Variants in SOX13 observed in about 807,000 individuals in gnomAD.
SOX13 encodes the protein SRY-box transcription factor 13.
In SOX13, 28 loss-of-function variants were observed where a neutral mutation model predicts 71.8. The observed-to-expected ratio is 0.39, with a 90% CI of 0.29 to 0.53. The LOEUF is 0.53. Among genes scored for constraint, SOX13 ranks in the 20% least tolerant of loss-of-function variants. The probability of loss-of-function intolerance (pLI) is 0.70; values close to 1 mark genes in which losing one functional copy is unlikely to be tolerated. For missense variants in SOX13, 627 were observed against 810.3 expected, an observed-to-expected ratio of 0.77 and a Z score of 2.75; for synonymous variants, 309 against 317.8, an observed-to-expected ratio of 0.97 and a Z score of 0.29.
At chr1:204,116,073 T>C (rs1656686585) in intron 4 of SOX13, 3 of 931,274 alleles carry the variant, frequency 3.2e-6, no homozygotes, top group Non-Finnish European at 4.2e-6. Flanking sequence ...GTAACTTGCC[T>C]AACAGCTCAC....
chr1:204,109,074 G>A (rs1656527246), intron 1 of SOX13, among the ~76,000 whole-genome samples: 1 of 152,220 alleles, frequency 6.6e-6, no homozygotes, highest in African/African-American at 2.4e-5. Context: ...TGAGCCGCCT[G>A]CTTTCTGGAC....
intron 7 of SOX13, chr1:204,119,713 T>G (rs931859749): frequency 6.6e-6 from 1 of 152,200 alleles, no homozygotes; most frequent in Non-Finnish European, 1.5e-5. Flanking sequence ...CAGAGCCTCA[T>G]CTAATCTCAC....
intron 1 of SOX13, among the ~76,000 whole-genome samples, chr1:204,094,367 A>G (rs1656206430): frequency 6.6e-6 from 1 of 152,164 alleles, no homozygotes; most frequent in African/African-American, 2.4e-5. Context: ...TTTCCCCTCC[A>G]TACAGGTAGA....
intron 7 of SOX13, chr1:204,117,942 TC>T (rs1656727927): frequency 1.8e-6 from 1 of 547,190 alleles, no homozygotes; most frequent in Non-Finnish European, 3.3e-6. Flanking sequence ...GATGTAGCAA[TC>T]CAGGTCTAGT....
chr1:204,090,570 G>A (rs753781238), intron 1 of SOX13, among the ~76,000 whole-genome samples: 4 of 151,838 alleles, frequency 2.6e-5, no homozygotes, highest in East Asian at 1.9e-4. Context: ...CACCACACTC[G>A]GCTAACTTTT....
At position 204,126,190 on chromosome 1, in the gene SOX13, G is replaced by T. The variant is rs1343961969; in HGVS notation, c.*56G>T. ...TCTGGGGAAGACCTTGTCCCAACTC[G>T]ATGGGCACAGCCAGCCAACCTAAGA... On this transcript the variant is annotated 3_prime_UTR_variant, in exon 14 of 14. Transcript: ENST00000367204. The T allele has an allele frequency of 6.4e-7, 1 of 1,564,538 alleles. No homozygotes were observed.
Position 204,123,540 on chromosome 1 carries a change from C to A in SOX13, c.1232-121C>A. 1 of 1,078,476 alleles carries A rather than the reference C, an allele frequency of 9.3e-7. No homozygotes were observed. Among genetic ancestry groups the A allele is most frequent in the Non-Finnish European group, 1.3e-6 (1 of 762,450 alleles). 66.8% of individuals were successfully genotyped at this position (1,078,476 alleles called of 1,614,324 possible). A position where few individuals can be genotyped will look rare whatever the true frequency, so the allele number is the denominator to read the frequency against. On this transcript the variant is annotated intron_variant, in intron 11 of 13. Coordinates refer to ENST00000367204, the MANE Select transcript of SOX13 (RefSeq NM_005686.3). This position sits in a 1 kb window ranked among gnomAD's most constrained non-coding sequence, Gnocchi z 5.0. Reference sequence around the variant, plus strand: ...TCCTGCCTTGCTCCTCCTCGGCTGGCTGCTGTGGGAGCCTCCTCAGTGCCT... The same window carrying A: ...TCCTGCCTTGCTCCTCCTCGGCTGGATGCTGTGGGAGCCTCCTCAGTGCCT...
chr1:204,093,346 G>A (rs1001976913), intron 1 of SOX13, among the ~76,000 whole-genome samples: 6 of 152,316 alleles, frequency 3.9e-5, no homozygotes, highest in African/African-American at 1.2e-4. Flanking sequence ...GAAATCTATG[G>A]AATTTACATA....
At chr1:204,093,224 C>T (rs147604897) in intron 1 of SOX13, among the ~76,000 whole-genome samples, 27 of 152,222 alleles carry the variant, frequency 1.8e-4, no homozygotes, top group African/African-American at 5.3e-4. Flanking sequence ...GTAGGTAGGG[C>T]GTTCCCAGGT....
intron 2 of SOX13, among the ~76,000 whole-genome samples, chr1:204,113,411 G>A (rs1440232993): frequency 6.6e-6 from 1 of 152,208 alleles, no homozygotes; most frequent in Non-Finnish European, 1.5e-5. Flanking sequence ...TTGCTTCTGA[G>A]GACTAGATGG....
rs761404904 is a variant in SOX13, at chr1:204,121,887, G to A, written c.776-13G>A. ...CTCATCCAGGACTTTTCTCCTTGCT[G>A]CCTTTTCCATAGTGGAGTATCCGCT... On this transcript the variant is annotated splice_polypyrimidine_tract_variant and intron_variant, in intron 7 of 13. Transcript: ENST00000367204. The A allele has an allele frequency of 1.3e-6, 2 of 1,599,766 alleles. No homozygotes were observed. The highest frequency in any genetic ancestry group is 1.1e-5 in the South Asian group (1 of 90,592).
chr1:204,086,681 G>A (rs941249665), intron 1 of SOX13, among the ~76,000 whole-genome samples: 15 of 152,052 alleles, frequency 9.9e-5, no homozygotes, highest in Non-Finnish European at 1.8e-4. Context: ...GAAGTTTCTG[G>A]GTTTTGACTC....
chr1:204,105,188 C>T (rs1656443182), intron 1 of SOX13, among the ~76,000 whole-genome samples: 1 of 152,152 alleles, frequency 6.6e-6, no homozygotes, highest in Non-Finnish European at 1.5e-5. Context: ...GCCTGGTAGG[C>T]ACAAGCTGAG....
At position 204,114,399 on chromosome 1, in the gene SOX13, G is replaced by T; in HGVS notation, c.298G>T (p.Glu100Ter). The stretch of plus-strand genomic sequence containing the variant: ...GTCGGAGGCTGCCTCTGGAAGCCAG[G>T]AGAAGCTGGACTTCAACCGAAATTT... ...GVSEAASGSQEKLDFNRNLKE... is the reference protein window; with the variant it reads ...GVSEAASGSQ The change falls in exon 3 of 14, where the codon GAG (glutamate) becomes TAG (stop). Residue 100 changes from glutamate (E) to a stop codon, truncating the protein, a stop_gained. Transcript: ENST00000367204. LOFTEE classifies it high-confidence loss of function. 6.2e-7 allele frequency: 1 copy of T among 1,613,038 alleles called. No individual in the cohort carries two copies. The highest frequency in any genetic ancestry group is 8.5e-7 in the Non-Finnish European group (1 of 1,179,460).
intron 1 of SOX13, among the ~76,000 whole-genome samples, chr1:204,077,074 G>T (rs1655799630): frequency 6.6e-6 from 1 of 152,236 alleles, no homozygotes; most frequent in African/African-American, 2.4e-5. Flanking sequence ...GCCAGTGAAG[G>T]CCACCCTGGG....
chr1:204,103,076 C>G (rs966279337), intron 1 of SOX13, among the ~76,000 whole-genome samples: 1 of 152,188 alleles, frequency 6.6e-6, no homozygotes, highest in Non-Finnish European at 1.5e-5. Context: ...TTCTCCTTAC[C>G]TCCTTCCCTG....
At chr1:204,105,722 C>CATA (rs1354696677) in intron 1 of SOX13, among the ~76,000 whole-genome samples, 2 of 152,158 alleles carry the variant, frequency 1.3e-5, no homozygotes, top group Non-Finnish European at 2.9e-5. Flanking sequence ...TGAAGCAGTG[C>CATA]TGCCCCAAAA....
intron 1 of SOX13, among the ~76,000 whole-genome samples, chr1:204,087,647 G>C (rs1656053163): frequency 6.6e-6 from 1 of 152,230 alleles, no homozygotes; most frequent in Non-Finnish European, 1.5e-5. Flanking sequence ...AACTTGGGAA[G>C]GAGCATTTTG....
At position 204,073,727 on chromosome 1, in the gene SOX13, C is replaced by G. The variant is rs1013452086; in HGVS notation, c.-2+16C>G. On this transcript the variant is annotated intron_variant, in intron 1 of 13. Coordinates refer to ENST00000367204, the MANE Select transcript of SOX13 (RefSeq NM_005686.3). This position sits in a 1 kb window ranked among gnomAD's most constrained non-coding sequence, Gnocchi z 6.8. The stretch of plus-strand genomic sequence containing the variant: ...TGGCTGAGTAGTAAGTGCACCCCTC[C>G]CCGCCATGATCGCGCCGTCGCGCCC... 1 of 152,220 alleles carries G rather than the reference C, an allele frequency of 6.6e-6. No individual in the cohort carries two copies. Among genetic ancestry groups the G allele is most frequent in the African/African-American group, 2.4e-5 (1 of 41,414 alleles). 9.4% of individuals were successfully genotyped at this position (152,220 alleles called of 1,614,324 possible). A position where few individuals can be genotyped will look rare whatever the true frequency, so the allele number is the denominator to read the frequency against.
Sources: allele counts gnomAD v4.1 joint callset (sites outside exome capture counted in the v4.1 genomes callset), GRCh38; gene constraint gnomAD v4.1.1; non-coding constraint Gnocchi (gnomAD v3.1); transcripts MANE v1.5; gene names NCBI Gene and HGNC (gene_info 2026-07-23, HGNC 2026-07-21).